Variants in CSMD1 observed in about 807,000 individuals in gnomAD.
CSMD1 encodes the protein CUB and sushi domain-containing protein 1.
Under a neutral mutation model 417.5 loss-of-function variants are expected in CSMD1, and 213 were observed. The observed-to-expected ratio is 0.51, with a 90% CI of 0.46 to 0.57. The LOEUF is 0.57. CSMD1 is among the 20% of genes least tolerant of loss of function. The pLI is 0.00. For missense variants in CSMD1, 6,923 were observed against 4,529.7 expected (o/e 1.53, Z -15.17); for synonymous variants, 2,862 against 1,736.8 (o/e 1.65, Z -16.11).
intron 10 of CSMD1, among the ~76,000 whole-genome samples, chr8:3,559,789 G>C (rs1799391026): frequency 6.6e-6 from 1 of 152,124 alleles, no homozygotes; most frequent in South Asian, 2.1e-4. Flanking sequence ...TTAGAAAATG[G>C]AGAGTGAGGA....
In CSMD1 at chr8:4,016,027, G is replaced by C. The variant is rs78496472; in HGVS notation, c.610+15878C>G. Among the ~76,000 whole-genome samples the C allele has an allele frequency of 7.0e-3, 1,059 of 152,242 alleles. 60 individuals are homozygous for C. In the East Asian group the frequency reaches 0.14, roughly 20 times the overall value. ...TATCAGCCACTGTCTTTCAGCCTTG[G>C]ACATGACATCTAAGCTCTCAGAGAA... On this transcript the variant is annotated intron_variant, in intron 4 of 69. Transcript: ENST00000635120.
chr8:4,561,977 AAG>A (rs1336152724), intron 2 of CSMD1, among the ~76,000 whole-genome samples: 4 of 152,196 alleles, frequency 2.6e-5, no homozygotes, highest in Admixed American at 6.5e-5. Context: ...CCGGTAAACG[AAG>A]AGAGTTAAGG....
chr8:4,843,718 G>A (rs1214718093), intron 1 of CSMD1, among the ~76,000 whole-genome samples: 1 of 152,108 alleles, frequency 6.6e-6, no homozygotes, highest in African/African-American at 2.4e-5. Context: ...ATATTATTCT[G>A]TTTTACACAA....
intron 12 of CSMD1, among the ~76,000 whole-genome samples, chr8:3,434,665 C>T: frequency 6.6e-6 from 1 of 152,230 alleles, no homozygotes. Flanking sequence ...ATCTCTCCAC[C>T]TTTTCTCCAT....
At chr8:4,004,011 A>C (rs1450699273) in intron 4 of CSMD1, among the ~76,000 whole-genome samples, 5 of 152,238 alleles carry the variant, frequency 3.3e-5, no homozygotes, top group Non-Finnish European at 7.3e-5. Context: ...AACTAAATAA[A>C]ATTAAAATTA....
chr8:4,064,048 G>C (rs1009605665), intron 3 of CSMD1, among the ~76,000 whole-genome samples: 2 of 152,160 alleles, frequency 1.3e-5, no homozygotes, highest in Admixed American at 6.5e-5. Flanking sequence ...CTGAGAGTGA[G>C]GGCTCCTGAG....
chr8:3,276,259 TGAG>T lies in CSMD1; in HGVS notation c.4153+7882_4153+7884del, dbSNP rs545633656. ...GCTTCTTGGGGGTCAGGGACCCACTTGAGGAGGCAGTCTTCCTGTTGTCAGATC... is the reference window on the plus strand; with the variant it reads ...GCTTCTTGGGGGTCAGGGACCCACTTGAGGCAGTCTTCCTGTTGTCAGATC... On this transcript the variant is annotated intron_variant, in intron 26 of 69. Transcript: ENST00000635120. Among the ~76,000 whole-genome samples, 236 of 152,260 alleles carry T rather than the reference TGAG, an allele frequency of 1.5e-3. 1 individual carries two copies. The highest frequency in any genetic ancestry group is 4.2e-3 in the Admixed American group (64 of 15,290).
At chr8:4,131,122 T>G (rs1211024397) in intron 3 of CSMD1, among the ~76,000 whole-genome samples, 2 of 152,320 alleles carry the variant, frequency 1.3e-5, no homozygotes, top group African/African-American at 4.8e-5. Flanking sequence ...CACTGCTTAT[T>G]CATTTACAAG....
At chr8:4,007,024 G>A (rs1259915222) in intron 4 of CSMD1, among the ~76,000 whole-genome samples, 1 of 151,814 alleles carries the variant, frequency 6.6e-6, no homozygotes, top group Admixed American at 6.6e-5. Context: ...ATTTTTAGTA[G>A]AGACGGGGTT....
chr8:3,655,258 G>C (rs1798044268), intron 7 of CSMD1, among the ~76,000 whole-genome samples: 2 of 152,110 alleles, frequency 1.3e-5, no homozygotes, highest in Admixed American at 6.6e-5. Flanking sequence ...AACAAGGCAA[G>C]AATTTAAGAC....
intron 7 of CSMD1, among the ~76,000 whole-genome samples, chr8:3,622,777 A>G (rs1796317725): frequency 9.8e-6 from 1 of 102,204 alleles, no homozygotes; most frequent in Non-Finnish European, 2.1e-5. Context: ...TAGCTCCATA[A>G]ATCCCAACTA....
At chr8:4,440,833 T>C (rs571137499) in intron 2 of CSMD1, among the ~76,000 whole-genome samples, 20 of 151,898 alleles carry the variant, frequency 1.3e-4, no homozygotes, top group Non-Finnish European at 7.4e-5. Flanking sequence ...TCCTCTCTAC[T>C]GAAAATACAA....
rs992777153 is a variant in CSMD1 at position 3,326,038 on chromosome 8, C to T, written c.3631+17256G>A. On this transcript the variant is annotated intron_variant, in intron 23 of 69. Transcript: ENST00000635120. Reference sequence around the variant, plus strand: ...ACCTCTGTAGGATTTGAGGGCATGACAGCGGTCACCCGGGTGATCACAGAC... The same window carrying T: ...ACCTCTGTAGGATTTGAGGGCATGATAGCGGTCACCCGGGTGATCACAGAC... 2.6e-4 allele frequency among the ~76,000 whole-genome samples: 39 copies of T among 152,290 alleles called. 1 individual carries two copies. The highest frequency in any genetic ancestry group is 8.7e-4 in the African/African-American group (36 of 41,560).
intron 5 of CSMD1, among the ~76,000 whole-genome samples, chr8:3,897,494 A>C (rs1269451358): frequency 6.6e-6 from 1 of 152,194 alleles, no homozygotes; most frequent in African/African-American, 2.4e-5. Flanking sequence ...ATGATCTTAA[A>C]GTCATGCATA....
chr8:3,638,248 T>C (rs1464381311), intron 7 of CSMD1, among the ~76,000 whole-genome samples: 2 of 152,150 alleles, frequency 1.3e-5, no homozygotes, highest in Admixed American at 6.6e-5. Flanking sequence ...AAAAATTCTA[T>C]AGATAAATAA....
intron 7 of CSMD1, among the ~76,000 whole-genome samples, chr8:3,691,137 C>A (rs1478994573): frequency 6.6e-6 from 1 of 152,040 alleles, no homozygotes; most frequent in African/African-American, 2.4e-5. Flanking sequence ...GAGGCCGGGG[C>A]AGGCGGATCA....
chr8:3,452,721 G>T (rs547334028), intron 12 of CSMD1, among the ~76,000 whole-genome samples: 3 of 152,206 alleles, frequency 2.0e-5, no homozygotes, highest in Non-Finnish European at 2.9e-5. Flanking sequence ...TGGTGTGCCA[G>T]TATTTTATTG....
At chr8:4,368,147 A>G (rs2128911219) in intron 3 of CSMD1, among the ~76,000 whole-genome samples, 1 of 152,094 alleles carries the variant, frequency 6.6e-6, no homozygotes, top group South Asian at 2.1e-4. Flanking sequence ...ATAGATGATC[A>G]TTTTTTTGAG....
chr8:3,963,038 G>T (rs1385849714), intron 5 of CSMD1, among the ~76,000 whole-genome samples: 1 of 152,120 alleles, frequency 6.6e-6, no homozygotes, highest in Non-Finnish European at 1.5e-5. Context: ...CGAGGTTCAA[G>T]CAATTCTCCT....
Sources: allele counts gnomAD v4.1 joint callset (sites outside exome capture counted in the v4.1 genomes callset), GRCh38; gene constraint gnomAD v4.1.1; transcripts MANE v1.5; gene names NCBI Gene and HGNC (gene_info 2026-07-23, HGNC 2026-07-21).